The following BRWD1 variants were observed in gnomAD, a reference collection of about 807,000 sequenced individuals.
BRWD1 encodes bromodomain and WD repeat domain containing 1.
A neutral mutation model predicts 251.2 loss-of-function variants in BRWD1; 82 were observed. That is an observed-to-expected ratio of 0.33 (90% CI 0.27 to 0.39). BRWD1 has a LOEUF of 0.39. Among genes scored for constraint, BRWD1 ranks in the 10% least tolerant of loss-of-function variants. The pLI, the probability that BRWD1 is intolerant of heterozygous loss-of-function variation, is 1.00. For synonymous variants in BRWD1, 918 were observed against 902.8 expected (o/e 1.02, Z -0.30); for missense variants, 2,233 against 2,711.6 (o/e 0.82, Z 3.92).
intron 8 of BRWD1, among the ~76,000 whole-genome samples, chr21:39,280,621 G>A (rs1165419937): frequency 6.6e-6 from 1 of 152,172 alleles, no homozygotes; most frequent in East Asian, 1.9e-4. Context: ...TATTCAACCT[G>A]GGAAAGCTGA....
intron 13 of BRWD1, among the ~76,000 whole-genome samples, chr21:39,272,798 G>A (rs2035161219): frequency 6.6e-6 from 1 of 151,618 alleles, no homozygotes; most frequent in African/African-American, 2.4e-5. Flanking sequence ...TTTTAGTAGA[G>A]GCAGGGTTTC....
At chr21:39,243,448 A>G (rs2034070799) in intron 21 of BRWD1, among the ~76,000 whole-genome samples, 1 of 151,984 alleles carries the variant, frequency 6.6e-6, no homozygotes, top group Non-Finnish European at 1.5e-5. Flanking sequence ...TTATTGCCTC[A>G]TTTTTTGTTT....
chr21:39,284,771 A>AT (rs572144514), intron 8 of BRWD1, among the ~76,000 whole-genome samples: 3 of 151,792 alleles, frequency 2.0e-5, no homozygotes, highest in East Asian at 3.9e-4. Context: ...TTTTAACTGA[A>AT]TTTTTTTTCT....
chr21:39,296,213 G>A (rs1601486291), intron 6 of BRWD1, 52 bp downstream of exon 6: 3 of 1,424,140 alleles, frequency 2.1e-6, no homozygotes, highest in Non-Finnish European at 2.9e-6. Context: ...AAAGGTTGTT[G>A]AGAAATTTAA....
intron 1 of BRWD1, among the ~76,000 whole-genome samples, chr21:39,320,873 G>A (rs1026610480): frequency 2.6e-5 from 4 of 151,556 alleles, no homozygotes; most frequent in African/African-American, 9.7e-5. Context: ...TTACCATGTT[G>A]GCCAGGCTGG....
chr21:39,267,488 A>G (rs931244446), intron 15 of BRWD1, among the ~76,000 whole-genome samples: 3 of 152,144 alleles, frequency 2.0e-5, no homozygotes, highest in Admixed American at 6.6e-5. Context: ...AATCCCAGCT[A>G]CTTGAGAGGC....
chr21:39,312,754 C>A, intron 4 of BRWD1, 87 bp downstream of exon 4: 10 of 1,122,244 alleles, frequency 8.9e-6, no homozygotes, highest in Non-Finnish European at 1.3e-5. Flanking sequence ...CTTTGCACCC[C>A]ACGGGCCGGG....
At chr21:39,292,113 TG>T (rs1230424812) in intron 8 of BRWD1, among the ~76,000 whole-genome samples, 28 of 3,802 alleles carry the variant, frequency 7.4e-3, no homozygotes, top group African/African-American at 0.019. Context: ...AACTATTTTT[TG>T]TGGGGGGTGG....
At chr21:39,301,988 T>TTG (rs1555877818) in intron 4 of BRWD1, among the ~76,000 whole-genome samples, 29 of 139,118 alleles carry the variant, frequency 2.1e-4, no homozygotes, top group Admixed American at 1.9e-3. Flanking sequence ...GTTTTTTTTT[T>TTG]TTTTTTTTTT....
At chr21:39,310,016 T>C (rs1304400879) in intron 4 of BRWD1, among the ~76,000 whole-genome samples, 1 of 152,228 alleles carries the variant, frequency 6.6e-6, no homozygotes, top group African/African-American at 2.4e-5. Flanking sequence ...GTGAAATGAA[T>C]GGCTTTCTGG....
chr21:39,319,009 C>G (rs149897041), intron 1 of BRWD1, among the ~76,000 whole-genome samples: 4,435 of 152,254 alleles, frequency 0.029, 94 homozygotes, highest in Middle Eastern at 0.071. Context: ...CCTGTCTTGG[C>G]CTTCCAAAGT....
chr21:39,312,132 A>G (rs1601519734), intron 4 of BRWD1, among the ~76,000 whole-genome samples: 1 of 152,368 alleles, frequency 6.6e-6, no homozygotes, highest in East Asian at 1.9e-4. Context: ...AGTTATATAG[A>G]AACATTAACC....
intron 21 of BRWD1, among the ~76,000 whole-genome samples, chr21:39,238,821 A>T (rs913853555): frequency 8.5e-5 from 13 of 152,360 alleles, no homozygotes; most frequent in Admixed American, 8.5e-4. Flanking sequence ...AAAGAAAGTG[A>T]TACAACAGGC....
chr21:39,203,849 A>T (rs958008881), intron 37 of BRWD1, among the ~76,000 whole-genome samples: 2 of 148,936 alleles, frequency 1.3e-5, no homozygotes, highest in African/African-American at 5.0e-5. Flanking sequence ...TAATCAAGGG[A>T]GAGAACAAAA....
chr21:39,202,815 A>G (rs1185231692), intron 37 of BRWD1, among the ~76,000 whole-genome samples: 1 of 152,218 alleles, frequency 6.6e-6, no homozygotes, highest in African/African-American at 2.4e-5. Context: ...TGAATACCTT[A>G]CATTCTTTGG....
At chr21:39,205,905 C>T (rs961975478) in intron 37 of BRWD1, among the ~76,000 whole-genome samples, 2 of 152,110 alleles carry the variant, frequency 1.3e-5, no homozygotes, top group Non-Finnish European at 2.9e-5. Context: ...CATGGTGAAA[C>T]CCTGTCTCTT....
Position 39,313,309 on chromosome 21 carries a change from G to C in BRWD1, c.50-10C>G, listed in dbSNP as rs759923548. On this transcript the variant is annotated splice_polypyrimidine_tract_variant and intron_variant, in intron 1 of 40. Coordinates refer to ENST00000342449, the MANE Select transcript of BRWD1 (RefSeq NM_033656.4). ...ATAAGGAAGTACAGCTCTGCGGGAAGACAAGGAGTCAGGTCAAGCCCCGGC... is the reference window on the plus strand; with the variant it reads ...ATAAGGAAGTACAGCTCTGCGGGAACACAAGGAGTCAGGTCAAGCCCCGGC... The C allele has an allele frequency of 9.0e-6, 14 of 1,548,620 alleles. No individual in the cohort carries two copies. Among genetic ancestry groups the C allele is most frequent in the Non-Finnish European group, 1.2e-5 (14 of 1,138,876 alleles).
Position 39,189,951 on chromosome 21 carries a change from T to C in BRWD1, c.*6308A>G, listed in dbSNP as rs1003863550. Reference sequence around the variant, plus strand: ...CCTCAGATGAGTCTTGTTTCAGTCATGGGTTTACAAAGTCATTGAGTGCTT... The same window carrying C: ...CCTCAGATGAGTCTTGTTTCAGTCACGGGTTTACAAAGTCATTGAGTGCTT... On this transcript the variant is annotated 3_prime_UTR_variant, in exon 41 of 41. Coordinates refer to ENST00000342449, the MANE Select transcript of BRWD1 (RefSeq NM_033656.4). The C allele has an allele frequency of 5.1e-6, 5 of 985,304 alleles. No homozygotes were observed. The African/African-American group carries it at 8.7e-5, about 17-fold the overall frequency. The allele number at this position is 985,304 out of a possible 1,614,324, so 61.0% of individuals were successfully genotyped here.
intron 4 of BRWD1, among the ~76,000 whole-genome samples, chr21:39,303,579 G>A (rs777630023): frequency 6.6e-5 from 10 of 150,488 alleles, no homozygotes; most frequent in Admixed American, 6.0e-4. Context: ...TAGGCCAGGC[G>A]AGGTCCACTT....
Sources: allele counts gnomAD v4.1 joint callset (sites outside exome capture counted in the v4.1 genomes callset), GRCh38; gene constraint gnomAD v4.1.1; transcripts MANE v1.5; gene names NCBI Gene and HGNC (gene_info 2026-07-23, HGNC 2026-07-21).